GRP: variants seen among roughly 807,000 people sequenced by gnomAD.
The protein encoded by GRP is gastrin releasing peptide, also known as gastrin-releasing peptide.
In GRP, 11 loss-of-function variants were observed where a neutral mutation model predicts 12.7. The observed-to-expected ratio is 0.87, with a 90% CI of 0.55 to 1.44. The LOEUF (loss-of-function observed/expected upper bound fraction) is 1.44. Ranked by LOEUF, GRP falls within the 40% of genes most tolerant of loss-of-function variation. The pLI, the probability that GRP is intolerant of heterozygous loss-of-function variation, is 0.00. For missense variants in GRP, 212 were observed against 185.4 expected, an observed-to-expected ratio of 1.14 and a Z score of -0.83; for synonymous variants, 84 against 77.7, an observed-to-expected ratio of 1.08 and a Z score of -0.43.
chr18:59,220,437 G>A, intron 1 of GRP, 33 bp downstream of exon 1: 1 of 1,336,910 alleles, frequency 7.5e-7, no homozygotes, highest in Non-Finnish European at 9.6e-7. Flanking sequence ...CCGCGCGCTT[G>A]TCCTCCTCTG....
At chr18:59,221,189 G>T (rs2069826950) in intron 1 of GRP, among the ~76,000 whole-genome samples, 1 of 152,090 alleles carries the variant, frequency 6.6e-6, no homozygotes, top group Non-Finnish European at 1.5e-5. Context: ...CTTTCCCCTC[G>T]CTCCTTTCCC....
At chr18:59,229,279 A>C (rs537772579) in intron 2 of GRP, among the ~76,000 whole-genome samples, 27 of 152,128 alleles carry the variant, frequency 1.8e-4, no homozygotes, top group Non-Finnish European at 3.4e-4. Context: ...CCTAGGTTCC[A>C]CAACTCTCTT....
intron 1 of GRP, 87 bp from the exon 2 acceptor site, chr18:59,225,404 AT>A: frequency 7.8e-7 from 1 of 1,278,002 alleles, no homozygotes; most frequent in Non-Finnish European, 1.1e-6. Context: ...CACAAACACA[AT>A]TAGCTTTAAA....
chr18:59,226,164 A>C (rs62093991), intron 2 of GRP, among the ~76,000 whole-genome samples: 9,361 of 152,234 alleles, frequency 0.061, 501 homozygotes, highest in East Asian at 0.19. Context: ...TTTGACACAA[A>C]GTAGCACTTC....
At position 59,220,318 on chromosome 18, in the gene GRP, C is replaced by T. The variant is rs2069807850; in HGVS notation, c.53C>T (p.Ala18Val). 6.7e-7 allele frequency: 1 copy of T among 1,500,356 alleles called. No homozygotes were observed. Among genetic ancestry groups the T allele is most frequent in the Non-Finnish European group, 8.9e-7 (1 of 1,128,422 alleles). The allele number at this position is 1,500,356 out of a possible 1,614,324, so 92.9% of individuals were successfully genotyped here. A position where few individuals can be genotyped will look rare whatever the true frequency, so the allele number is the denominator to read the frequency against. The change falls in exon 1 of 3, where the codon GCG becomes GTG. Residue 18 changes from alanine to valine, a missense_variant. Coordinates refer to ENST00000256857, the MANE Select transcript of GRP (RefSeq NM_002091.5). Reference protein sequence around the residue: ...LVLLALVLCLAPRGRAVPLPA... With the variant: ...LVLLALVLCLVPRGRAVPLPA... The stretch of plus-strand genomic sequence containing the variant: ...CTGCTGGCGCTGGTCCTCTGCCTGG[C>T]GCCCCGGGGGCGAGCGGTCCCGCTG...
intron 2 of GRP, among the ~76,000 whole-genome samples, chr18:59,226,481 C>T (rs561358550): frequency 2.6e-5 from 4 of 152,206 alleles, no homozygotes; most frequent in Admixed American, 6.5e-5. Context: ...TGAATATTTA[C>T]GATAATCCAA....
rs72956177 is a variant in GRP, at chr18:59,226,992, C to T, written c.382+1258C>T. ...TTCTGGCTATGTGGTTTCTTTTCTT[C>T]CTTTCTTTCTTTCTTTCTTTCTTTC... On this transcript the variant is annotated intron_variant, in intron 2 of 2. Transcript: ENST00000256857. Among the ~76,000 whole-genome samples, 245 of 107,864 alleles carry T rather than the reference C, an allele frequency of 2.3e-3. 3 individuals carry two copies. Among genetic ancestry groups the T allele is most frequent in the African/African-American group, 5.6e-3 (144 of 25,494 alleles). The allele number at this position is 107,864 out of a possible 152,430, so 70.8% of individuals were successfully genotyped here. A position where few individuals can be genotyped will look rare whatever the true frequency, so the allele number is the denominator to read the frequency against.
At chr18:59,227,008 T>A in intron 2 of GRP, among the ~76,000 whole-genome samples, 2 of 124,972 alleles carry the variant, frequency 1.6e-5, no homozygotes, top group Admixed American at 1.6e-4. Context: ...TTTCTTTCTT[T>A]CTTTCTTTCT....
intron 1 of GRP, among the ~76,000 whole-genome samples, chr18:59,220,665 C>G (rs2069817242): frequency 6.6e-6 from 1 of 152,194 alleles, no homozygotes; most frequent in Non-Finnish European, 1.5e-5. Flanking sequence ...CCTGTCTTCC[C>G]CAGGGCACCC....
In GRP at chr18:59,230,101, C is replaced by T. The variant is rs529942068; in HGVS notation, c.383-303C>T. ...TAATCATATCAGGATGCATGTTAAG[C>T]TGATAAAACAATAAGATCCCAAAAT... On this transcript the variant is annotated intron_variant, in intron 2 of 2. Coordinates refer to ENST00000256857, the MANE Select transcript of GRP (RefSeq NM_002091.5). Among the ~76,000 whole-genome samples the T allele has an allele frequency of 5.9e-5, 9 of 152,188 alleles. No individual in the cohort carries two copies. The South Asian group carries it at 1.9e-3, about 32-fold the overall frequency.
At chr18:59,222,997 G>A (rs2069859933) in intron 1 of GRP, among the ~76,000 whole-genome samples, 1 of 152,150 alleles carries the variant, frequency 6.6e-6, no homozygotes, top group South Asian at 2.1e-4. Context: ...ACTGCAGAAT[G>A]GCTTGTTATG....
chr18:59,223,202 T>A lies in GRP; in HGVS notation c.140-2290T>A, dbSNP rs1011730091. Among the ~76,000 whole-genome samples the A allele has an allele frequency of 5.3e-5, 8 of 152,378 alleles. No homozygotes were observed. In the South Asian group the frequency reaches 1.7e-3, roughly 32 times the overall value. On this transcript the variant is annotated intron_variant, in intron 1 of 2. Transcript: ENST00000256857. ...GGTTTTATTTTTTCAAGTGCCTGTC[T>A]TTTGTCTATGGTGAGGTTTCCATTA...
At chr18:59,226,996 T>C (rs573499017) in intron 2 of GRP, among the ~76,000 whole-genome samples, 1,607 of 32,384 alleles carry the variant, frequency 0.05, 38 homozygotes, top group African/African-American at 0.12. Context: ...TTTCTTCCTT[T>C]CTTTCTTTCT....
At chr18:59,226,121 T>A (rs1017673557) in intron 2 of GRP, among the ~76,000 whole-genome samples, 1 of 152,206 alleles carries the variant, frequency 6.6e-6, no homozygotes, top group Non-Finnish European at 1.5e-5. Context: ...TGGAAGTTCC[T>A]GTTTTTAGAA....
At chr18:59,228,641 C>A (rs1429166046) in intron 2 of GRP, among the ~76,000 whole-genome samples, 1 of 152,208 alleles carries the variant, frequency 6.6e-6, no homozygotes, top group Non-Finnish European at 1.5e-5. Context: ...CAATTATGCC[C>A]AGCAATGTTC....
At chr18:59,225,845 T>C (rs2144106078) in intron 2 of GRP, 111 bp downstream of exon 2, 1 of 941,562 alleles carries the variant, frequency 1.1e-6, no homozygotes, top group East Asian at 2.4e-5. Flanking sequence ...ACCTTCACAG[T>C]CACTACATTA....
chr18:59,224,017 T>C lies in GRP; in HGVS notation c.140-1475T>C, dbSNP rs59252240. 2.9e-3 allele frequency among the ~76,000 whole-genome samples: 449 copies of C among 152,346 alleles called. 3 individuals carry two copies. The highest frequency in any genetic ancestry group is 9.8e-3 in the African/African-American group (407 of 41,576). The stretch of plus-strand genomic sequence containing the variant: ...TACTCATAGAATTAATTTTTCTCAA[T>C]TACATAATGCATCATGATATATTGG... On this transcript the variant is annotated intron_variant, in intron 1 of 2. Coordinates refer to ENST00000256857, the MANE Select transcript of GRP (RefSeq NM_002091.5).
At chr18:59,225,410 T>G in intron 1 of GRP, 82 bp from the exon 2 acceptor site, 4 of 1,341,860 alleles carry the variant, frequency 3.0e-6, no homozygotes, top group Non-Finnish European at 4.1e-6. Context: ...CACAATTAGC[T>G]TTAAATTTCT....
chr18:59,229,268 T>C (rs1406231116), intron 2 of GRP, among the ~76,000 whole-genome samples: 3 of 152,180 alleles, frequency 2.0e-5, no homozygotes, highest in Non-Finnish European at 4.4e-5. Context: ...TCCTTGATCT[T>C]CCTAGGTTCC....
Sources: allele counts gnomAD v4.1 joint callset (sites outside exome capture counted in the v4.1 genomes callset), GRCh38; gene constraint gnomAD v4.1.1; transcripts MANE v1.5; gene names NCBI Gene and HGNC (gene_info 2026-07-23, HGNC 2026-07-21).